The following ADAM12 variants were observed in gnomAD, a reference collection of about 807,000 sequenced individuals.
ADAM12 encodes the protein ADAM metallopeptidase domain 12.
ADAM12 carries 70 observed loss-of-function variants against 106.4 expected under a neutral mutation model. The observed-to-expected ratio is 0.66, with a 90% confidence interval of 0.54 to 0.80. ADAM12 has a LOEUF of 0.80. Among genes scored for constraint, ADAM12 ranks in the 30% least tolerant of loss-of-function variants. The pLI, the probability that ADAM12 is intolerant of heterozygous loss-of-function variation, is 0.00. For missense variants in ADAM12, 1,010 were observed against 1,171.9 expected, an observed-to-expected ratio of 0.86 and a Z score of 2.02; for synonymous variants, 420 against 433.5, an observed-to-expected ratio of 0.97 and a Z score of 0.39.
At chr10:126,128,051 C>T (rs1043517026) in intron 5 of ADAM12, among the ~76,000 whole-genome samples, 7 of 151,746 alleles carry the variant, frequency 4.6e-5, no homozygotes, top group Admixed American at 6.6e-5. Flanking sequence ...AAAAATTGAA[C>T]GGGGGTCAGC....
chr10:126,055,621 G>T (rs867389111), intron 14 of ADAM12, among the ~76,000 whole-genome samples: 2 of 152,098 alleles, frequency 1.3e-5, no homozygotes, highest in South Asian at 4.1e-4. Flanking sequence ...TGGGTTTAAA[G>T]CCAAAACCCA....
chr10:126,158,773 T>C (rs1956876115), intron 3 of ADAM12, among the ~76,000 whole-genome samples: 2 of 134,866 alleles, frequency 1.5e-5, no homozygotes, highest in Non-Finnish European at 3.1e-5. Flanking sequence ...GGTGGGAGGA[T>C]GAGCAGAGCA....
intron 3 of ADAM12, among the ~76,000 whole-genome samples, chr10:126,245,416 C>A (rs1336031231): frequency 6.6e-6 from 1 of 152,180 alleles, no homozygotes; most frequent in South Asian, 2.1e-4. Flanking sequence ...TTGGGAACTG[C>A]AGCCCACTAT....
At chr10:126,206,854 T>TGTGG (rs61139077) in intron 3 of ADAM12, among the ~76,000 whole-genome samples, 4 of 81,848 alleles carry the variant, frequency 4.9e-5, no homozygotes, top group Non-Finnish European at 7.9e-5. Context: ...CCATGTGTTG[T>TGTGG]GGGGGCGGGG....
chr10:126,063,901 C>G (rs1954809620), intron 14 of ADAM12, among the ~76,000 whole-genome samples: 1 of 152,204 alleles, frequency 6.6e-6, no homozygotes, highest in African/African-American at 2.4e-5. Context: ...CCTTTTGCAT[C>G]TGAGCTTCTG....
At chr10:126,161,974 G>A (rs1956943833) in intron 3 of ADAM12, among the ~76,000 whole-genome samples, 1 of 152,164 alleles carries the variant, frequency 6.6e-6, no homozygotes, top group Non-Finnish European at 1.5e-5. Context: ...TCAATACCAG[G>A]AAGTAAAATG....
intron 2 of ADAM12, among the ~76,000 whole-genome samples, chr10:126,309,188 A>C (rs1209219560): frequency 6.6e-6 from 1 of 152,206 alleles, no homozygotes; most frequent in East Asian, 1.9e-4. Flanking sequence ...GACCTAAATG[A>C]GATCTCAGAG....
In ADAM12 at chr10:126,032,146, T is replaced by C. The variant is rs73374525; in HGVS notation, c.2529+4000A>G. Among the ~76,000 whole-genome samples, 1,120 of 152,308 alleles carry C rather than the reference T, an allele frequency of 7.4e-3. 14 individuals are homozygous for C. Among genetic ancestry groups the C allele is most frequent in the African/African-American group, 0.023 (959 of 41,572 alleles). On this transcript the variant is annotated intron_variant, in intron 21 of 22. Transcript: ENST00000448723. Reference sequence around the variant, plus strand: ...TGGACCAAGATGGTGTTTGTGGTAGTGTTTTCTTCTGGAATGCTTAGTACA... The same window carrying C: ...TGGACCAAGATGGTGTTTGTGGTAGCGTTTTCTTCTGGAATGCTTAGTACA...
chr10:126,163,581 CCCTTAT>C (rs1956974444), intron 3 of ADAM12, among the ~76,000 whole-genome samples: 1 of 146,670 alleles, frequency 6.8e-6, no homozygotes, highest in Non-Finnish European at 1.5e-5. Flanking sequence ...TTTAACTTTA[CCCTTAT>C]ATAATTTAGT....
intron 3 of ADAM12, among the ~76,000 whole-genome samples, chr10:126,252,011 T>C (rs1266102159): frequency 9.7e-4 from 1 of 1,026 alleles, no homozygotes; most frequent in Non-Finnish European, 2.2e-3. Flanking sequence ...GATGGATAAA[T>C]GGATGGATGG....
chr10:126,167,348 T>G (rs917430728), intron 3 of ADAM12, among the ~76,000 whole-genome samples: 1 of 152,206 alleles, frequency 6.6e-6, no homozygotes, highest in Non-Finnish European at 1.5e-5. Context: ...TATTTCCCCT[T>G]AATCTGACTT....
chr10:126,045,299 A>G (rs1471094262), intron 17 of ADAM12, among the ~76,000 whole-genome samples: 1 of 152,164 alleles, frequency 6.6e-6, no homozygotes, highest in Non-Finnish European at 1.5e-5. Flanking sequence ...CTTACCGTCA[A>G]CACCCCCATC....
At chr10:126,347,528 T>C (rs927512707) in intron 1 of ADAM12, among the ~76,000 whole-genome samples, 6 of 152,200 alleles carry the variant, frequency 3.9e-5, no homozygotes, top group African/African-American at 1.4e-4. Context: ...AGGAGTATCT[T>C]TGTGGCGTTC....
At chr10:126,103,601 C>T (rs552870595) in intron 8 of ADAM12, among the ~76,000 whole-genome samples, 3 of 152,298 alleles carry the variant, frequency 2.0e-5, no homozygotes, top group East Asian at 1.9e-4. Context: ...CTAACCCTGA[C>T]GCTCATGTTT....
In ADAM12 at chr10:126,384,281, T is replaced by G. The variant is rs187448002; in HGVS notation, c.88+3777A>C. The stretch of plus-strand genomic sequence containing the variant: ...GAGCTTGTAAAAATTGCTGCTGTCA[T>G]GTTTTTTTGTTATTTGCAGCTGAAA... On this transcript the variant is annotated intron_variant, in intron 1 of 22. Coordinates refer to ENST00000448723, the MANE Select transcript of ADAM12 (RefSeq NM_001288973.2). Among the ~76,000 whole-genome samples, 4 of 152,324 alleles carry G rather than the reference T, an allele frequency of 2.6e-5. No individual in the cohort carries two copies. The East Asian group carries it at 7.7e-4, about 29-fold the overall frequency.
chr10:126,162,267 A>G (rs1956949057), intron 3 of ADAM12, among the ~76,000 whole-genome samples: 1 of 152,004 alleles, frequency 6.6e-6, no homozygotes, highest in South Asian at 2.1e-4. Context: ...GGGAAGAATG[A>G]GCTGCGCTGG....
At chr10:126,272,792 C>G in intron 3 of ADAM12, 1 of 333,398 alleles carries the variant, frequency 3.0e-6, no homozygotes, top group East Asian at 1.0e-4. Context: ...CCAGGGGAGC[C>G]CCTCAGGCTA....
chr10:126,164,979 C>A (rs866442301), intron 3 of ADAM12, among the ~76,000 whole-genome samples: 64 of 152,152 alleles, frequency 4.2e-4, no homozygotes, highest in African/African-American at 1.4e-3. Context: ...CTTGTCTTTG[C>A]AAATATTTAT....
intron 21 of ADAM12, among the ~76,000 whole-genome samples, chr10:126,023,344 G>A (rs531140209): frequency 9.3e-4 from 141 of 152,126 alleles, no homozygotes; most frequent in African/African-American, 3.1e-3. Context: ...CTTCTCTGAT[G>A]ACCACCAAGA....
Sources: gnomAD v4.1 joint callset for allele counts (sites outside exome capture counted in the v4.1 genomes callset) on GRCh38, gnomAD v4.1.1 for gene constraint, MANE v1.5 for transcripts, NCBI Gene and HGNC (gene_info 2026-07-23, HGNC 2026-07-21) for gene names.